Variants in SLC45A4 observed in about 807,000 individuals in gnomAD.
SLC45A4 encodes solute carrier family 45 member 4, also known as polyamine-transporter SLC45A4.
In SLC45A4, 32 loss-of-function variants were observed where a neutral mutation model predicts 63.7. The ratio of observed to expected loss-of-function variants is 0.50; its 90% CI spans 0.38 to 0.67. SLC45A4 has a LOEUF of 0.67. Ranked by LOEUF, SLC45A4 falls within the 30% of genes least tolerant of loss-of-function variation. The pLI is 0.00. For missense variants in SLC45A4, 1,027 were observed against 1,157.7 expected (o/e 0.89, Z 1.64); for synonymous variants, 535 against 510.0 (o/e 1.05, Z -0.66).
chr8:141,217,318 G>A, intron 5 of SLC45A4, 129 bp from the exon 6 acceptor site: 1 of 927,134 alleles, frequency 1.1e-6, no homozygotes. Context: ...TCCCATCCAG[G>A]AGGAGAGCCC....
At chr8:141,244,953 T>TGGGGGGGGGGGG (rs1332452740) in intron 2 of SLC45A4, among the ~76,000 whole-genome samples, 1 of 27,756 alleles carries the variant, frequency 3.6e-5, no homozygotes, top group Admixed American at 3.9e-4. Flanking sequence ...CAAGAAGACG[T>TGGGGGGGGGGGG]GGGTGGGGGG....
chr8:141,214,116 C>A (rs1440681977), intron 7 of SLC45A4, among the ~76,000 whole-genome samples: 1 of 149,038 alleles, frequency 6.7e-6, no homozygotes, highest in Non-Finnish European at 1.5e-5. Context: ...GCTGAGTAGC[C>A]AGGAGGCAGA....
rs1827084438 is a variant in SLC45A4, at chr8:141,227,502, G to A, written c.242-5737C>T. Among the ~76,000 whole-genome samples the A allele has an allele frequency of 6.6e-6, 1 of 152,236 alleles. No individual in the cohort carries two copies. Among genetic ancestry groups the A allele is most frequent in the South Asian group, 2.1e-4 (1 of 4,832 alleles). On this transcript the variant is annotated intron_variant, in intron 2 of 8. Coordinates refer to ENST00000517878, the MANE Select transcript of SLC45A4 (RefSeq NM_001286646.2). This position sits in a 1 kb window ranked among gnomAD's most constrained non-coding sequence, Gnocchi z 4.4. The stretch of plus-strand genomic sequence containing the variant: ...ACTCGTGAGCACAAGTCCTGCGTGG[G>A]AAAGGCTTAGCATCCTTGAGTGACC...
At chr8:141,297,267 C>A (rs1304752512) in intron 1 of SLC45A4, among the ~76,000 whole-genome samples, 1 of 151,724 alleles carries the variant, frequency 6.6e-6, no homozygotes, top group East Asian at 1.9e-4. Flanking sequence ...AAGAGGCGGG[C>A]ACCCGGTGGG....
chr8:141,233,600 T>C (rs1827474435), intron 2 of SLC45A4, among the ~76,000 whole-genome samples: 1 of 152,148 alleles, frequency 6.6e-6, no homozygotes, highest in African/African-American at 2.4e-5. Flanking sequence ...GGCACAAGCA[T>C]TGCTTGAACC....
At chr8:141,263,515 C>G (rs977311666) in intron 1 of SLC45A4, among the ~76,000 whole-genome samples, 6 of 151,770 alleles carry the variant, frequency 4.0e-5, no homozygotes, top group Non-Finnish European at 8.8e-5. Flanking sequence ...TGCCTGTAAT[C>G]CCAGCATTTT....
chr8:141,226,875 C>T (rs900575905), intron 2 of SLC45A4: 3 of 152,354 alleles, frequency 2.0e-5, no homozygotes, highest in Non-Finnish European at 1.5e-5. Context: ...TGAGTGGTCC[C>T]GAGTATCAGG....
rs6994692 is a variant in SLC45A4, at chr8:141,229,278, C to T, written c.242-7513G>A. Among the ~76,000 whole-genome samples the T allele has an allele frequency of 1.3e-5, 2 of 151,966 alleles. No individual in the cohort carries two copies. Among genetic ancestry groups the T allele is most frequent in the African/African-American group, 2.4e-5 (1 of 41,354 alleles). On this transcript the variant is annotated intron_variant, in intron 2 of 8. Transcript: ENST00000517878. The surrounding 1 kb of genome is among the most constrained non-coding windows in gnomAD (Gnocchi z 5.0). ...AACCCACTGCTTGCACCTGCCGTGG[C>T]GTCCAGGGCCCTCAAAGTCCTGCCT...
Position 141,256,831 on chromosome 8 carries a change from T to A in SLC45A4, c.-400-2202A>T, listed in dbSNP as rs1828816490. On this transcript the variant is annotated intron_variant, in intron 1 of 8. Transcript: ENST00000517878. This position sits in a 1 kb window ranked among gnomAD's most constrained non-coding sequence, Gnocchi z 4.3. The stretch of plus-strand genomic sequence containing the variant: ...TTTCCAAACTGTCACCTTACTGCAA[T>A]ATTTTTTCAAAAAACTGTGTAATGA... 3.0e-6 allele frequency: 1 copy of A among 338,626 alleles called. No individual in the cohort carries two copies. Among genetic ancestry groups the A allele is most frequent in the Non-Finnish European group, 5.9e-6 (1 of 168,968 alleles). 21.0% of individuals were successfully genotyped at this position (338,626 alleles called of 1,614,324 possible). A position where few individuals can be genotyped will look rare whatever the true frequency, so the allele number is the denominator to read the frequency against.
rs1825575818 is a variant in SLC45A4 at position 141,207,404 on chromosome 8, T to TAGA, written c.*4165_*4167dup. ...CATGAGGCCACTGTTACCCAACTAA[T>TAGA]AGAAGAGAGTCATGAGCGACACGAC... On this transcript the variant is annotated 3_prime_UTR_variant, in exon 9 of 9. Transcript: ENST00000517878. The TAGA allele has an allele frequency of 2.0e-5, 3 of 152,246 alleles. No individual in the cohort carries two copies. The highest frequency in any genetic ancestry group is 2.0e-4 in the Admixed American group (3 of 15,288). The allele number at this position is 152,246 out of a possible 1,614,324, so 9.4% of individuals were successfully genotyped here. A position where few individuals can be genotyped will look rare whatever the true frequency, so the allele number is the denominator to read the frequency against.
intron 2 of SLC45A4, among the ~76,000 whole-genome samples, chr8:141,249,342 T>C (rs1828360989): frequency 6.6e-6 from 1 of 152,124 alleles, no homozygotes; most frequent in Non-Finnish European, 1.5e-5. Flanking sequence ...ACCTGATGAA[T>C]GAAAACAAAT....
Position 141,215,063 on chromosome 8 carries a change from A to G in SLC45A4, c.1941+696T>C, listed in dbSNP as rs1032942472. ...ATCTGGCCATACACTGTGACATGAA[A>G]AGGCTGGCCGTGCTGCCGCCAGCAA... is the stretch of plus-strand genomic sequence containing the variant. On this transcript the variant is annotated intron_variant, in intron 7 of 8. Coordinates refer to ENST00000517878, the MANE Select transcript of SLC45A4 (RefSeq NM_001286646.2). The surrounding 1 kb of genome is among the most constrained non-coding windows in gnomAD (Gnocchi z 4.3). Among the ~76,000 whole-genome samples, 1 of 152,212 alleles carries G rather than the reference A, an allele frequency of 6.6e-6. No homozygotes were observed. The highest frequency in any genetic ancestry group is 1.5e-5 in the Non-Finnish European group (1 of 68,040).
At position 141,229,133 on chromosome 8, in the gene SLC45A4, TA is replaced by T. The variant is rs1827203120; in HGVS notation, c.242-7369del. On this transcript the variant is annotated intron_variant, in intron 2 of 8. Transcript: ENST00000517878. The surrounding 1 kb of genome is among the most constrained non-coding windows in gnomAD (Gnocchi z 5.0). ...ACATTCAATAACTGCTTAGTGCCCT[TA>T]AAAGAGCTGCACTCTCAGGAGCAGA... is the stretch of plus-strand genomic sequence containing the variant. Among the ~76,000 whole-genome samples, 1 of 152,132 alleles carries T rather than the reference TA, an allele frequency of 6.6e-6. No homozygotes were observed. The highest frequency in any genetic ancestry group is 1.5e-5 in the Non-Finnish European group (1 of 68,020).
Position 141,212,250 on chromosome 8 carries a change from G to A in SLC45A4, c.2248C>T (p.Leu750=). 6.3e-7 allele frequency: 1 copy of A among 1,579,170 alleles called. No homozygotes were observed. Among genetic ancestry groups the A allele is most frequent in the Non-Finnish European group, 8.6e-7 (1 of 1,160,944 alleles). Residue 750 remains leucine (L), a synonymous_variant, in exon 8 of 9, where the codon CTG becomes TTG. Coordinates refer to ENST00000517878, the MANE Select transcript of SLC45A4 (RefSeq NM_001286646.2). The stretch of plus-strand genomic sequence containing the variant: ...AGGCCCTCCTTCCGCGTGAGCTTCA[G>A]CACGGTGGGCTTTTCGCTGTTCCCA... The part of the protein sequence containing the change: ...AGGNSEKPTV[L]KLTRKEGLQG...
At chr8:141,219,852 C>A (rs772116696) in intron 3 of SLC45A4, 23 bp from the exon 4 acceptor site, 2 of 1,531,302 alleles carry the variant, frequency 1.3e-6, no homozygotes, top group East Asian at 2.5e-5. Flanking sequence ...CACGGGAGGG[C>A]GGTCAGGTCC....
chr8:141,303,951 A>G (rs556580339), intron 1 of SLC45A4, among the ~76,000 whole-genome samples: 1 of 152,174 alleles, frequency 6.6e-6, no homozygotes, highest in Non-Finnish European at 1.5e-5. Flanking sequence ...TCAGGATCCC[A>G]CTCTGGACTG....
intron 6 of SLC45A4, 127 bp downstream of exon 6, chr8:141,216,963 T>G: frequency 1.1e-6 from 1 of 920,564 alleles, no homozygotes; most frequent in Non-Finnish European, 1.6e-6. Flanking sequence ...GTGGCCCTGT[T>G]TTGAGGGACC....
intron 1 of SLC45A4, among the ~76,000 whole-genome samples, chr8:141,279,328 T>C (rs1829850117): frequency 6.6e-6 from 1 of 152,246 alleles, no homozygotes; most frequent in African/African-American, 2.4e-5. Flanking sequence ...CTGGCTTTAC[T>C]GAAAAGTAAC....
rs1332444892 is a variant in SLC45A4, at chr8:141,211,426, G to A, written c.*146C>T. 6.4e-7 allele frequency: 1 copy of A among 1,557,664 alleles called. No individual in the cohort carries two copies. The highest frequency in any genetic ancestry group is 2.3e-5 in the East Asian group (1 of 43,938). ...GCCCATCCCTGGGCAGGGTGTCTGG[G>A]AGCCACCCCTGCAAATCACTGTCTT... On this transcript the variant is annotated 3_prime_UTR_variant, in exon 9 of 9. Coordinates refer to ENST00000517878, the MANE Select transcript of SLC45A4 (RefSeq NM_001286646.2).
Sources: allele counts gnomAD v4.1 joint callset (sites outside exome capture counted in the v4.1 genomes callset), GRCh38; gene constraint gnomAD v4.1.1; non-coding constraint Gnocchi (gnomAD v3.1); transcripts MANE v1.5; gene names NCBI Gene and HGNC (gene_info 2026-07-23, HGNC 2026-07-21).